The following TRIM61 variants were observed in gnomAD, a reference collection of about 807,000 sequenced individuals.
The protein encoded by TRIM61 is tripartite motif containing 61.
A neutral mutation model predicts 14.2 loss-of-function variants in TRIM61; 1 was observed. That is an observed-to-expected ratio of 0.07 (90% CI 0.03 to 0.33). TRIM61 has a LOEUF of 0.33. TRIM61 is among the 10% of genes least tolerant of loss of function. The probability of loss-of-function intolerance (pLI) is 0.99; values close to 1 mark genes in which losing one functional copy is unlikely to be tolerated. For missense variants in TRIM61, 19 were observed against 202.2 expected, an observed-to-expected ratio of 0.09 and a Z score of 5.49; for synonymous variants, 8 against 71.6, an observed-to-expected ratio of 0.11 and a Z score of 4.49.
At chr4:164,957,745 G>T in intron 3 of TRIM61, 1 of 414,278 alleles carries the variant, frequency 2.4e-6, no homozygotes, top group South Asian at 5.7e-5. Flanking sequence ...GATATGATAC[G>T]CACACTAGAT....
At chr4:164,956,858 C>CT (rs1732001860) in intron 3 of TRIM61, 4 of 694,082 alleles carry the variant, frequency 5.8e-6, no homozygotes, top group South Asian at 1.9e-5. Context: ...ACCCCAAGCA[C>CT]TGCAGCGTTT....
At chr4:164,972,479 T>A (rs1732390892) in intron 2 of TRIM61, among the ~76,000 whole-genome samples, 1 of 146,434 alleles carries the variant, frequency 6.8e-6, no homozygotes, top group Non-Finnish European at 1.5e-5. Flanking sequence ...TACCCCAAAT[T>A]CAAGATTTGC....
intron 3 of TRIM61, among the ~76,000 whole-genome samples, chr4:164,961,153 C>CAAAAAGAAA (rs1732123609): frequency 3.2e-5 from 1 of 31,718 alleles, no homozygotes; most frequent in African/African-American, 1.1e-4. Flanking sequence ...AACTCTCAGG[C>CAAAAAGAAA]AAAAAAAAAA....
At chr4:164,963,451 A>C (rs1486943905) in intron 3 of TRIM61, among the ~76,000 whole-genome samples, 1 of 152,178 alleles carries the variant, frequency 6.6e-6, no homozygotes, top group Admixed American at 6.6e-5. Flanking sequence ...ACATTTAAAG[A>C]ATAGAAATCA....
intron 3 of TRIM61, chr4:164,957,638 T>G (rs1238736970): frequency 4.2e-6 from 4 of 963,076 alleles, no homozygotes; most frequent in Non-Finnish European, 6.0e-6. Flanking sequence ...TAGTCGAATA[T>G]TAGAGGAAGA....
chr4:164,966,992 T>C (rs964477164), intron 3 of TRIM61, among the ~76,000 whole-genome samples: 5 of 152,168 alleles, frequency 3.3e-5, no homozygotes, highest in Non-Finnish European at 7.3e-5. Context: ...ACAGATGTCT[T>C]TACCTGCCCA....
chr4:164,967,811 G>A (rs1732274290), intron 3 of TRIM61, among the ~76,000 whole-genome samples: 1 of 151,572 alleles, frequency 6.6e-6, no homozygotes, highest in Non-Finnish European at 1.5e-5. Flanking sequence ...ACCACGCTGG[G>A]CAAAATAGAA....
At chr4:164,972,650 G>A (rs186099840) in intron 2 of TRIM61, among the ~76,000 whole-genome samples, 247 of 152,262 alleles carry the variant, frequency 1.6e-3, no homozygotes, top group Non-Finnish European at 2.7e-3. Flanking sequence ...CACCACACCC[G>A]GCTAAGGTTT....
At chr4:164,975,969 G>T (rs1267695915) in intron 2 of TRIM61, among the ~76,000 whole-genome samples, 1 of 152,190 alleles carries the variant, frequency 6.6e-6, no homozygotes, top group Non-Finnish European at 1.5e-5. Context: ...GCCCTATGGT[G>T]GGAGGCGAGA....
intron 2 of TRIM61, among the ~76,000 whole-genome samples, chr4:164,970,945 C>T (rs992909015): frequency 6.6e-6 from 1 of 151,998 alleles, no homozygotes; most frequent in Non-Finnish European, 1.5e-5. Context: ...ACTAAAGATA[C>T]AAAAAATTAG....
intron 3 of TRIM61, among the ~76,000 whole-genome samples, chr4:164,959,314 A>C (rs1732082360): frequency 6.6e-6 from 1 of 151,986 alleles, no homozygotes. Context: ...GAGGCCTTTC[A>C]TGTTTCCCTT....
chr4:164,974,296 T>C (rs1560888338), intron 2 of TRIM61, among the ~76,000 whole-genome samples: 1 of 152,228 alleles, frequency 6.6e-6, no homozygotes, highest in Non-Finnish European at 1.5e-5. Context: ...TTCAGAGAAT[T>C]TTCCTATACT....
intron 3 of TRIM61, chr4:164,959,020 TG>T (rs1448332636): frequency 1.8e-5 from 3 of 167,128 alleles, no homozygotes; most frequent in African/African-American, 7.2e-5. Context: ...TACGTTCATA[TG>T]ACTATATAAT....
At chr4:164,972,968 G>C (rs1351426351) in intron 2 of TRIM61, among the ~76,000 whole-genome samples, 1 of 152,136 alleles carries the variant, frequency 6.6e-6, no homozygotes, top group Non-Finnish European at 1.5e-5. Flanking sequence ...TCTGGCTACA[G>C]TCTCCTAAAG....
chr4:164,968,412 C>T, intron 3 of TRIM61: 1 of 984,394 alleles, frequency 1.0e-6, no homozygotes. Context: ...GTCACTGACC[C>T]CATAATTTAA....
rs147659979 is a variant in TRIM61 at position 164,966,888 on chromosome 4, T to C, written c.525+2590A>G. On this transcript the variant is annotated intron_variant, in intron 3 of 4. Coordinates refer to ENST00000329314, the MANE Select transcript of TRIM61 (RefSeq NM_001012414.3). ...GTTGCAGTGAGACGAGATAATGCCA[T>C]TGCACTACAGTGTGGGTGACAGAGC... 2.0e-5 allele frequency among the ~76,000 whole-genome samples: 3 copies of C among 151,986 alleles called. No individual in the cohort carries two copies. In the East Asian group the frequency reaches 5.8e-4, roughly 30 times the overall value.
chr4:164,972,311 T>C (rs909842262), intron 2 of TRIM61, among the ~76,000 whole-genome samples: 24 of 152,224 alleles, frequency 1.6e-4, no homozygotes, highest in African/African-American at 4.8e-4. Context: ...AAGAATATCA[T>C]GTAAGTTGTA....
intron 2 of TRIM61, among the ~76,000 whole-genome samples, chr4:164,971,278 T>C (rs1363568320): frequency 6.6e-6 from 1 of 151,920 alleles, no homozygotes; most frequent in Non-Finnish European, 1.5e-5. Context: ...CATCTGAAAC[T>C]TTCAGAAGGT....
chr4:164,975,832 A>G (rs1207646415), intron 2 of TRIM61, among the ~76,000 whole-genome samples: 1 of 152,188 alleles, frequency 6.6e-6, no homozygotes, highest in East Asian at 1.9e-4. Flanking sequence ...GTGAATTAGT[A>G]AAAGAGGAAA....
Sources: gnomAD v4.1 joint callset for allele counts (sites outside exome capture counted in the v4.1 genomes callset) on GRCh38, gnomAD v4.1.1 for gene constraint, MANE v1.5 for transcripts, NCBI Gene and HGNC (gene_info 2026-07-23, HGNC 2026-07-21) for gene names.